Variants in MPRIP observed in about 807,000 individuals in gnomAD.
The protein encoded by MPRIP is myosin phosphatase Rho interacting protein, also known as myosin phosphatase Rho-interacting protein.
Under a neutral mutation model 234.9 loss-of-function variants are expected in MPRIP, and 59 were observed. The ratio of observed to expected loss-of-function variants is 0.25; its 90% CI spans 0.20 to 0.31. MPRIP has a LOEUF of 0.31. Among genes scored for constraint, MPRIP ranks in the 10% least tolerant of loss-of-function variants. The probability of loss-of-function intolerance (pLI) is 1.00; values close to 1 mark genes in which losing one functional copy is unlikely to be tolerated. For synonymous variants in MPRIP, 1,144 were observed against 1,263.9 expected, an observed-to-expected ratio of 0.91 and a Z score of 2.01; for missense variants, 2,436 against 3,071.0, an observed-to-expected ratio of 0.79 and a Z score of 4.89.
chr17:17,166,425 G>A lies in MPRIP; in HGVS notation c.4834G>A (p.Val1612Ile), dbSNP rs887211713. 9 of 1,304,388 alleles carry A rather than the reference G, an allele frequency of 6.9e-6. No individual in the cohort carries two copies. The highest frequency in any genetic ancestry group is 2.3e-5 in the Admixed American group (1 of 43,576). The allele number at this position is 1,304,388 out of a possible 1,614,324, so 80.8% of individuals were successfully genotyped here. A position where few individuals can be genotyped will look rare whatever the true frequency, so the allele number is the denominator to read the frequency against. The change falls in exon 16 of 24, where the codon GTA becomes ATA. Residue 1612 changes from valine to isoleucine, a missense_variant. Around this residue, in one of 4 missense-constraint regions of MPRIP, gnomAD observed 1,998 missense variants for 2,520.3 expected, o/e 0.79. Coordinates refer to ENST00000651222, the MANE Select transcript of MPRIP (RefSeq NM_001364716.4). The surrounding 1 kb of genome is among the most constrained non-coding windows in gnomAD (Gnocchi z 4.4). ...QPPMESAGAP[V>I]DTWARKVLVD... is the part of the protein sequence containing the mutation. ...ACCGATGGAATCTGCTGGGGCCCCC[G>A]TAGACACCTGGGCCAGGAAGGTCCT...
chr17:17,128,300 C>T lies in MPRIP; in HGVS notation c.419+1447C>T, dbSNP rs2090531852. 2.0e-5 allele frequency among the ~76,000 whole-genome samples: 3 copies of T among 152,118 alleles called. No homozygotes were observed. The South Asian group carries it at 6.2e-4, about 32-fold the overall frequency. The stretch of plus-strand genomic sequence containing the variant: ...TGGGATGGATGGGAGTCCTGGGTCT[C>T]CAGGGCAAGCTGGGGAGTGTCTGGA... On this transcript the variant is annotated intron_variant, in intron 4 of 23. Coordinates refer to ENST00000651222, the MANE Select transcript of MPRIP (RefSeq NM_001364716.4).
In MPRIP at chr17:17,186,995, C is replaced by T. The variant is rs1172700363; in HGVS notation, c.*2101C>T. ...TTGTGCCGTTCTCTGAGGTCCACCA[C>T]CTGCCCTTCCTGGCATGGTTTCCTT... On this transcript the variant is annotated 3_prime_UTR_variant, in exon 24 of 24. Coordinates refer to ENST00000651222, the MANE Select transcript of MPRIP (RefSeq NM_001364716.4). The T allele has an allele frequency of 6.6e-6, 1 of 152,254 alleles. No individual in the cohort carries two copies. The highest frequency in any genetic ancestry group is 6.5e-5 in the Admixed American group (1 of 15,286). The allele number at this position is 152,254 out of a possible 1,614,324, so 9.4% of individuals were successfully genotyped here. A position where few individuals can be genotyped will look rare whatever the true frequency, so the allele number is the denominator to read the frequency against.
chr17:17,131,514 G>A lies in MPRIP; in HGVS notation c.420-103G>A, dbSNP rs2271521. The A allele has an allele frequency of 4.3e-6, 4 of 920,376 alleles. No individual in the cohort carries two copies. In the African/African-American group the frequency reaches 4.8e-5, roughly 11 times the overall value. 57.0% of individuals were successfully genotyped at this position (920,376 alleles called of 1,614,324 possible). ...CCCAGCGTAGCAGTCTGTCACTGGG[G>A]ACAATGCCCTGCTCTACTCCTGGAC... On this transcript the variant is annotated intron_variant, in intron 4 of 23. Transcript: ENST00000651222.
In MPRIP at chr17:17,176,412, C is replaced by G; in HGVS notation, c.6871-14C>G. ...GCTCCTGAATATTGGTCCCTGATCT[C>G]TCTGTCATTTTAGGTCTTATTGCGG... On this transcript the variant is annotated splice_polypyrimidine_tract_variant and intron_variant, in intron 20 of 23. Transcript: ENST00000651222. 6.2e-7 allele frequency: 1 copy of G among 1,604,374 alleles called. No homozygotes were observed. The highest frequency in any genetic ancestry group is 8.5e-7 in the Non-Finnish European group (1 of 1,171,192).
At chr17:17,053,062 A>C (rs2088589684) in intron 1 of MPRIP, among the ~76,000 whole-genome samples, 1 of 151,864 alleles carries the variant, frequency 6.6e-6, no homozygotes, top group Non-Finnish European at 1.5e-5. Flanking sequence ...GAGCCTCACT[A>C]TCAGGACTGG....
rs1441040556 is a variant in MPRIP, at chr17:17,158,761, C to A, written c.2159C>A (p.Thr720Lys). ...RRKRFGMLDA[T>K]DGPGTEDAAL... ...AAGCGCTTCGGGATGCTCGACGCCA[C>A]AGACGGGCCAGGCACTGAGGATGCA... Residue 720 changes from threonine (T) to lysine (K), a missense_variant, in exon 14 of 24, where the codon ACA becomes AAA. Coordinates refer to ENST00000651222, the MANE Select transcript of MPRIP (RefSeq NM_001364716.4). 16 of 1,611,674 alleles carry A rather than the reference C, an allele frequency of 9.9e-6. No homozygotes were observed. The highest frequency in any genetic ancestry group is 1.2e-5 in the Non-Finnish European group (14 of 1,179,884).
In MPRIP at chr17:17,143,615, T is replaced by C; in HGVS notation, c.1449T>C (p.Ser483=). ...PLPDASASPL[S]PHRRAKSLDR... Reference sequence around the variant, plus strand: ...CAGACGCCTCGGCTTCCCCCCTGTCTCCACACCGAAGAGCCAAGTCACTGG... The same window carrying C: ...CAGACGCCTCGGCTTCCCCCCTGTCCCCACACCGAAGAGCCAAGTCACTGG... Residue 483 remains serine (S), a synonymous_variant, in exon 9 of 24, where the codon TCT becomes TCC. Coordinates refer to ENST00000651222, the MANE Select transcript of MPRIP (RefSeq NM_001364716.4). 1 of 1,606,184 alleles carries C rather than the reference T, an allele frequency of 6.2e-7. No individual in the cohort carries two copies. Among genetic ancestry groups the C allele is most frequent in the Non-Finnish European group, 8.5e-7 (1 of 1,176,742 alleles).
Position 17,057,688 on chromosome 17 carries a change from G to C in MPRIP, c.123+14717G>C, listed in dbSNP as rs780937136. On this transcript the variant is annotated intron_variant, in intron 1 of 23. Coordinates refer to ENST00000651222, the MANE Select transcript of MPRIP (RefSeq NM_001364716.4). The stretch of plus-strand genomic sequence containing the variant: ...CGTGGAGCTCACATATATGATGCAC[G>C]AATGTTCTCATGTTGAAGGACAGGA... 3 of 717,990 alleles carry C rather than the reference G, an allele frequency of 4.2e-6. No individual in the cohort carries two copies. In the Admixed American group the frequency reaches 6.0e-5, roughly 14 times the overall value. 44.5% of individuals were successfully genotyped at this position (717,990 alleles called of 1,614,324 possible).
intron 3 of MPRIP, among the ~76,000 whole-genome samples, 189 bp from the exon 4 acceptor site, chr17:17,126,513 T>C (rs996014918): frequency 9.2e-5 from 14 of 152,136 alleles, no homozygotes; most frequent in African/African-American, 3.4e-4. Flanking sequence ...CTGGGTGTCC[T>C]CTGGAGAAGG....
In MPRIP at chr17:17,185,536, G is replaced by GT. The variant is rs1461096386; in HGVS notation, c.*648dup. 6.6e-6 allele frequency: 3 copies of GT among 456,896 alleles called. No individual in the cohort carries two copies. Among genetic ancestry groups the GT allele is most frequent in the Admixed American group, 2.4e-5 (1 of 42,496 alleles). The allele number at this position is 456,896 out of a possible 1,614,324, so 28.3% of individuals were successfully genotyped here. On this transcript the variant is annotated 3_prime_UTR_variant, in exon 24 of 24. Transcript: ENST00000651222. ...AAAGCAACCATTCCTATTTTTGTTT[G>GT]TTTTTTATTAAATCTTGCACAAAAT...
chr17:17,159,038 A>T, intron 14 of MPRIP, 36 bp downstream of exon 14: 1 of 1,571,318 alleles, frequency 6.4e-7, no homozygotes, highest in East Asian at 2.3e-5. Context: ...CCCTGCTCCC[A>T]GCAGCCTTTC....
chr17:17,068,617 G>A (rs999136717), intron 1 of MPRIP, among the ~76,000 whole-genome samples: 2 of 150,756 alleles, frequency 1.3e-5, no homozygotes, highest in Admixed American at 6.6e-5. Context: ...TGCAACCTCC[G>A]CCTCCCGGTT....
intron 15 of MPRIP, 24 bp downstream of exon 15, chr17:17,161,380 C>T (rs373164936): frequency 7.9e-5 from 118 of 1,499,574 alleles, no homozygotes; most frequent in Non-Finnish European, 1.0e-4. Context: ...GCTGCTGTGG[C>T]CCATGGTGCG....
chr17:17,142,430 A>C, intron 7 of MPRIP, 197 bp from the exon 8 acceptor site: 1 of 591,632 alleles, frequency 1.7e-6, no homozygotes, highest in Non-Finnish European at 3.0e-6. Flanking sequence ...GGGCAAGCGC[A>C]GGCCTGATGG....
chr17:17,103,042 G>C (rs2089995151), intron 3 of MPRIP, among the ~76,000 whole-genome samples: 1 of 152,200 alleles, frequency 6.6e-6, no homozygotes, highest in African/African-American at 2.4e-5. Flanking sequence ...ACTCATGTGT[G>C]CCAGCCTCCA....
chr17:17,046,734 T>C (rs900452944), intron 1 of MPRIP, among the ~76,000 whole-genome samples: 26 of 152,204 alleles, frequency 1.7e-4, no homozygotes, highest in African/African-American at 6.0e-4. Context: ...CAAACTTTTT[T>C]GGTAAAAGGC....
Position 17,061,003 on chromosome 17 carries a change from C to G in MPRIP, c.124-14707C>G, listed in dbSNP as rs1007218719. Among the ~76,000 whole-genome samples, 10 of 152,238 alleles carry G rather than the reference C, an allele frequency of 6.6e-5. 1 individual carries two copies. The highest frequency in any genetic ancestry group is 6.5e-4 in the Admixed American group (10 of 15,286). On this transcript the variant is annotated intron_variant, in intron 1 of 23. Coordinates refer to ENST00000651222, the MANE Select transcript of MPRIP (RefSeq NM_001364716.4). The stretch of plus-strand genomic sequence containing the variant: ...CAGTGGTGACCAGTGTTCGTCGGCC[C>G]TGGCAGGCTTGTTCTGAAAGAGAAG...
At chr17:17,126,136 G>C (rs1234918782) in intron 3 of MPRIP, among the ~76,000 whole-genome samples, 1 of 152,164 alleles carries the variant, frequency 6.6e-6, no homozygotes, top group Non-Finnish European at 1.5e-5. Context: ...AAAAGTTACT[G>C]TTTGCCATGC....
At chr17:17,052,602 A>C (rs1467487235) in intron 1 of MPRIP, among the ~76,000 whole-genome samples, 1 of 152,132 alleles carries the variant, frequency 6.6e-6, no homozygotes, top group Non-Finnish European at 1.5e-5. Flanking sequence ...AACCTTTGCT[A>C]TCAGGAACAG....
Sources: gnomAD v4.1 joint callset for allele counts (sites outside exome capture counted in the v4.1 genomes callset) on GRCh38, gnomAD v4.1.1 for gene constraint, gnomAD v4.1.1 regional missense constraint, Gnocchi (gnomAD v3.1) non-coding constraint, MANE v1.5 for transcripts, NCBI Gene and HGNC (gene_info 2026-07-23, HGNC 2026-07-21) for gene names.